AGBL1: variants seen among roughly 807,000 people sequenced by gnomAD.
AGBL1 encodes the protein AGBL carboxypeptidase 1.
Under a neutral mutation model 118.9 loss-of-function variants are expected in AGBL1, and 130 were observed. The observed-to-expected ratio is 1.09, with a 90% CI of 0.95 to 1.26. The LOEUF (loss-of-function observed/expected upper bound fraction) is 1.26. AGBL1 is among the 50% of genes most tolerant of loss of function. The pLI, the probability that AGBL1 is intolerant of heterozygous loss-of-function variation, is 0.00. For missense variants in AGBL1, 1,584 were observed against 1,298.1 expected, an observed-to-expected ratio of 1.22 and a Z score of -3.38; for synonymous variants, 555 against 478.9, an observed-to-expected ratio of 1.16 and a Z score of -2.08.
At chr15:86,684,044 G>A (rs189555571) in intron 22 of AGBL1, among the ~76,000 whole-genome samples, 15 of 152,260 alleles carry the variant, frequency 9.9e-5, no homozygotes, top group Non-Finnish European at 1.9e-4. Flanking sequence ...AGATGTGCTA[G>A]AGGAAAACAA....
At chr15:86,398,642 A>C (rs1189066111) in intron 18 of AGBL1, among the ~76,000 whole-genome samples, 1 of 152,164 alleles carries the variant, frequency 6.6e-6, no homozygotes, top group African/African-American at 2.4e-5. Flanking sequence ...ATAAAATGAA[A>C]ATGACTTAAA....
intron 22 of AGBL1, among the ~76,000 whole-genome samples, chr15:86,862,611 C>T (rs1482323929): frequency 6.6e-6 from 1 of 152,144 alleles, no homozygotes; most frequent in Admixed American, 6.5e-5. Flanking sequence ...GTCCCAGCTA[C>T]TCGGAGGGCT....
intron 24 of AGBL1, among the ~76,000 whole-genome samples, chr15:87,001,885 G>C (rs554653324): frequency 6.6e-6 from 1 of 151,914 alleles, no homozygotes; most frequent in Non-Finnish European, 1.5e-5. Flanking sequence ...TTAGCCCTTT[G>C]TCAGATGACT....
At position 86,913,845 on chromosome 15, in the gene AGBL1, G is replaced by C. The variant is rs532792852; in HGVS notation, c.*6551G>C. 1 of 152,298 alleles carries C rather than the reference G, an allele frequency of 6.6e-6. No homozygotes were observed. Among genetic ancestry groups the C allele is most frequent in the South Asian group, 2.1e-4 (1 of 4,824 alleles). 9.4% of individuals were successfully genotyped at this position (152,298 alleles called of 1,614,324 possible). A position where few individuals can be genotyped will look rare whatever the true frequency, so the allele number is the denominator to read the frequency against. ...GTCGTGATCGCACAACTGCACTCCT[G>C]CCTAGGTGGCAGAGTGAGACCCTGT... On this transcript the variant is annotated 3_prime_UTR_variant, in exon 23 of 23. Transcript: ENST00000614907.
At chr15:86,405,727 G>A (rs1453022807) in intron 18 of AGBL1, among the ~76,000 whole-genome samples, 1 of 152,006 alleles carries the variant, frequency 6.6e-6, no homozygotes, top group East Asian at 1.9e-4. Context: ...ACATGATACA[G>A]CCAAGATAAT....
chr15:86,569,747 C>T (rs900672543), intron 21 of AGBL1, among the ~76,000 whole-genome samples: 6 of 152,102 alleles, frequency 3.9e-5, no homozygotes, highest in African/African-American at 7.2e-5. Flanking sequence ...ATAAGGTTGC[C>T]AGCAGGGATC....
At chr15:86,940,797 G>A (rs906798159) in intron 23 of AGBL1, among the ~76,000 whole-genome samples, 3 of 152,164 alleles carry the variant, frequency 2.0e-5, no homozygotes, top group African/African-American at 4.8e-5. Flanking sequence ...GTAACTTGAT[G>A]TTAGCCAATC....
chr15:86,485,805 C>G (rs574024109), intron 18 of AGBL1, among the ~76,000 whole-genome samples: 2 of 152,192 alleles, frequency 1.3e-5, no homozygotes, highest in South Asian at 4.1e-4. Context: ...AAAATTTATT[C>G]TTATTCTGAT....
intron 17 of AGBL1, among the ~76,000 whole-genome samples, chr15:86,391,479 C>T (rs1158203499): frequency 1.3e-5 from 2 of 151,470 alleles, no homozygotes; most frequent in Non-Finnish European, 1.5e-5. Flanking sequence ...AGGTTGTGTA[C>T]ACTCTCTTCT....
chr15:86,976,223 T>C (rs906795003), intron 23 of AGBL1, among the ~76,000 whole-genome samples: 1 of 150,366 alleles, frequency 6.7e-6, no homozygotes, highest in African/African-American at 2.4e-5. Flanking sequence ...ATTCTAGTAA[T>C]ATATATGCTT....
intron 22 of AGBL1, among the ~76,000 whole-genome samples, chr15:86,783,156 T>G (rs2141313107): frequency 6.6e-6 from 1 of 152,346 alleles, no homozygotes; most frequent in African/African-American, 2.4e-5. Flanking sequence ...ATTGCTATTT[T>G]AATTGTTACC....
intron 21 of AGBL1, among the ~76,000 whole-genome samples, chr15:86,591,158 A>G (rs1238534517): frequency 1.3e-5 from 2 of 152,202 alleles, no homozygotes; most frequent in Non-Finnish European, 2.9e-5. Flanking sequence ...TCTCATTGTT[A>G]GATTCATTTT....
At chr15:86,577,837 TG>T (rs71144055) in intron 21 of AGBL1, among the ~76,000 whole-genome samples, 112,919 of 141,612 alleles carry the variant, frequency 0.8, 42,174 homozygotes, top group Middle Eastern at 0.91. Flanking sequence ...AGTCAAGAAC[TG>T]GGGGTTTGGG....
chr15:86,956,205 A>G (rs1332016571), intron 23 of AGBL1, among the ~76,000 whole-genome samples: 1 of 142,886 alleles, frequency 7.0e-6, no homozygotes, highest in Non-Finnish European at 1.5e-5. Context: ...AGATAGGTAG[A>G]TAGATGATTG....
intron 21 of AGBL1, among the ~76,000 whole-genome samples, chr15:86,570,546 T>C (rs2083990388): frequency 1.3e-5 from 2 of 152,210 alleles, no homozygotes; most frequent in South Asian, 4.1e-4. Context: ...ACACCAAATA[T>C]GGGTGTTCCC....
intron 5 of AGBL1, among the ~76,000 whole-genome samples, chr15:86,164,867 G>T (rs921246025): frequency 6.6e-6 from 1 of 152,098 alleles, no homozygotes; most frequent in African/African-American, 2.4e-5. Flanking sequence ...CTCCCTCACC[G>T]CTCACCTTCA....
At chr15:86,720,578 C>T (rs1023574729) in intron 22 of AGBL1, among the ~76,000 whole-genome samples, 2 of 152,166 alleles carry the variant, frequency 1.3e-5, no homozygotes, top group African/African-American at 2.4e-5. Context: ...CTCAGCTTTT[C>T]ATTGCTCTGG....
chr15:87,029,573 T>C (rs184991458), downstream of AGBL1, among the ~76,000 whole-genome samples: 994 of 152,098 alleles, frequency 6.5e-3, 4 homozygotes, highest in Admixed American at 0.01. Context: ...ATTTCTTATT[T>C]TGTCCTCCTA....
chr15:86,704,050 T>G (rs1167591065), intron 22 of AGBL1, among the ~76,000 whole-genome samples: 1 of 152,194 alleles, frequency 6.6e-6, no homozygotes, highest in Non-Finnish European at 1.5e-5. Flanking sequence ...AAGGATTTCC[T>G]ACTTAATGAA....
Sources: allele counts gnomAD v4.1 joint callset (sites outside exome capture counted in the v4.1 genomes callset), GRCh38; gene constraint gnomAD v4.1.1; transcripts MANE v1.5; gene names NCBI Gene and HGNC (gene_info 2026-07-23, HGNC 2026-07-21).